The following SPATA13 variants were observed in gnomAD, a reference collection of about 807,000 sequenced individuals.
The protein encoded by SPATA13 is spermatogenesis associated 13, also known as spermatogenesis-associated protein 13.
Under a neutral mutation model 104.0 loss-of-function variants are expected in SPATA13, and 50 were observed. That is an observed-to-expected ratio of 0.48 (90% CI 0.38 to 0.61). SPATA13 has a LOEUF of 0.61. Ranked by LOEUF, SPATA13 falls within the 20% of genes least tolerant of loss-of-function variation. The pLI is 0.00. For synonymous variants in SPATA13, 606 were observed against 667.5 expected (o/e 0.91, Z 1.42); for missense variants, 1,524 against 1,690.6 (o/e 0.90, Z 1.73).
chr13:24,244,189 C>T (rs1313470690), intron 2 of SPATA13, among the ~76,000 whole-genome samples: 1 of 152,208 alleles, frequency 6.6e-6, no homozygotes, highest in Non-Finnish European at 1.5e-5. Flanking sequence ...TTGTCTGTGT[C>T]CAAATTTCCC....
intron 1 of SPATA13, among the ~76,000 whole-genome samples, chr13:24,204,169 A>T (rs1232497795): frequency 6.6e-6 from 1 of 152,118 alleles, no homozygotes; most frequent in Non-Finnish European, 1.5e-5. Context: ...GGCTAACCCG[A>T]ATGCCTGTTA....
rs1258181009 is a variant in SPATA13, at chr13:24,011,930, A to G, written c.-146-5737A>G. ...CTTTAAACTTGCAGCGGAGGCTTCA[A>G]TGTGCACCTCCGCCTCCCCCTACGG... On this transcript the variant is annotated intron_variant, in intron 2 of 14. Transcript: ENST00000424834. This position sits in a 1 kb window ranked among gnomAD's most constrained non-coding sequence, Gnocchi z 4.3. Among the ~76,000 whole-genome samples, 1 of 152,200 alleles carries G rather than the reference A, an allele frequency of 6.6e-6. No individual in the cohort carries two copies. The highest frequency in any genetic ancestry group is 6.5e-5 in the Admixed American group (1 of 15,286).
At chr13:24,278,593 A>G (rs1193212252) in intron 4 of SPATA13, 24 of 1,426,564 alleles carry the variant, frequency 1.7e-5, no homozygotes, top group African/African-American at 2.9e-5. Flanking sequence ...TTGCAATTCT[A>G]TACTGTTTTT....
Position 24,033,611 on chromosome 13 carries a change from T to TG in SPATA13, c.-112+15911dup, listed in dbSNP as rs74546053. On this transcript the variant is annotated intron_variant, in intron 3 of 14. Coordinates refer to the SPATA13 transcript ENST00000424834. ...GGGGCTCACGAAGGTTGTGGATCCT[T>TG]GCCCAGCCTGCAGTGGGGACCTGGT... 8.9e-3 allele frequency: 1,362 copies of TG among 152,466 alleles called. 22 individuals carry two copies. Among genetic ancestry groups the TG allele is most frequent in the East Asian group, 0.076 (396 of 5,182 alleles). The allele number at this position is 152,466 out of a possible 1,614,324, so 9.4% of individuals were successfully genotyped here.
At chr13:24,060,362 G>A (rs985246882) in intron 3 of SPATA13, among the ~76,000 whole-genome samples, 1 of 152,162 alleles carries the variant, frequency 6.6e-6, no homozygotes, top group Admixed American at 6.5e-5. Context: ...AAATGGTACT[G>A]GGATAACTAG....
In SPATA13 at chr13:24,302,755, C is replaced by T; in HGVS notation, c.3816C>T (p.Leu1272=). 1 of 1,614,210 alleles carries T rather than the reference C, an allele frequency of 6.2e-7. No homozygotes were observed. The highest frequency in any genetic ancestry group is 1.1e-5 in the South Asian group (1 of 91,086). ...SSLFWHTFNR[L]TPFRK ...TCTTCTGGCACACCTTCAACAGGCTCACCCCCTTCCGGAAATGAAAACAGG... is the reference window on the plus strand; with the variant it reads ...TCTTCTGGCACACCTTCAACAGGCTTACCCCCTTCCGGAAATGAAAACAGG... Residue 1272 remains leucine, a synonymous_variant, in exon 13 of 13, where the codon CTC becomes CTT. Transcript: ENST00000382108.
chr13:24,270,992 C>CCT lies in SPATA13; in HGVS notation c.2165-13127_2165-13126dup, dbSNP rs137979505. On this transcript the variant is annotated intron_variant, in intron 4 of 12. Transcript: ENST00000382108. ...TTCCTTCCCAAGTTGCAGTTCTTCC[C>CCT]CTCTCTCTCTCTCTCTCCACTCTCT... is the stretch of plus-strand genomic sequence containing the variant. 9,202 of 846,718 alleles carry CCT rather than the reference C, an allele frequency of 0.011. 333 individuals are homozygous for CCT. The African/African-American group carries it at 0.12, about 11-fold the overall frequency. 52.5% of individuals were successfully genotyped at this position (846,718 alleles called of 1,614,324 possible).
chr13:24,232,808 C>T (rs186990479), intron 2 of SPATA13, among the ~76,000 whole-genome samples: 6 of 152,318 alleles, frequency 3.9e-5, no homozygotes, highest in South Asian at 2.1e-4. Flanking sequence ...CTCGGCCTCC[C>T]GGAGTGCTGA....
intron 3 of SPATA13, among the ~76,000 whole-genome samples, chr13:24,046,263 C>G (rs1878138467): frequency 6.6e-6 from 1 of 150,916 alleles, no homozygotes; most frequent in Non-Finnish European, 1.5e-5. Context: ...AAGTTACCCA[C>G]TATCCTGACT....
chr13:24,106,056 A>C (rs78102326), intron 3 of SPATA13, among the ~76,000 whole-genome samples: 5,505 of 152,128 alleles, frequency 0.036, 215 homozygotes, highest in African/African-American at 0.097. Context: ...GATTTCTTTT[A>C]TTTTCTTTTC....
intron 2 of SPATA13, among the ~76,000 whole-genome samples, chr13:24,242,523 T>C (rs1163134042): frequency 1.3e-5 from 2 of 152,234 alleles, no homozygotes; most frequent in Non-Finnish European, 2.9e-5. Flanking sequence ...AAGATGAAAT[T>C]AAAGTGTCTT....
chr13:24,258,543 C>A (rs1873905039), intron 4 of SPATA13, among the ~76,000 whole-genome samples: 1 of 151,918 alleles, frequency 6.6e-6, no homozygotes, highest in African/African-American at 2.4e-5. Flanking sequence ...GTCGTGCGTT[C>A]CTGTAGTACC....
intron 4 of SPATA13, chr13:24,278,743 A>C: frequency 6.3e-7 from 1 of 1,593,604 alleles, no homozygotes; most frequent in Non-Finnish European, 8.5e-7. Flanking sequence ...AAAACAAAGA[A>C]AGAAACTTGA....
At chr13:24,201,824 C>CAT (rs1870423989) in intron 1 of SPATA13, among the ~76,000 whole-genome samples, 1 of 152,148 alleles carries the variant, frequency 6.6e-6, no homozygotes, top group African/African-American at 2.4e-5. Flanking sequence ...ACAAATAGTA[C>CAT]ATATGTTAAA....
At chr13:24,103,833 C>G (rs9553177) in intron 3 of SPATA13, among the ~76,000 whole-genome samples, 28,448 of 151,928 alleles carry the variant, frequency 0.19, 2,996 homozygotes, top group East Asian at 0.3. Flanking sequence ...AATTTTCATC[C>G]CTTTCAGAGT....
chr13:24,126,555 G>C (rs770229597), intron 3 of SPATA13, among the ~76,000 whole-genome samples: 1 of 152,126 alleles, frequency 6.6e-6, no homozygotes, highest in African/African-American at 2.4e-5. Context: ...GTGAGAGAGA[G>C]AGACAGACTC....
At position 24,303,305 on chromosome 13, in the gene SPATA13, G is replaced by T. The variant is rs878931122; in HGVS notation, c.*532G>T. On this transcript the variant is annotated 3_prime_UTR_variant, in exon 13 of 13. Coordinates refer to ENST00000382108, the MANE Select transcript of SPATA13 (RefSeq NM_001166271.3). Reference sequence around the variant, plus strand: ...CTGGGGGACCTACAGCTGCCGTGGGGCTGACCACGGTGTTCCCTGGCATCG... The same window carrying T: ...CTGGGGGACCTACAGCTGCCGTGGGTCTGACCACGGTGTTCCCTGGCATCG... 2.8e-6 allele frequency: 1 copy of T among 359,000 alleles called. No individual in the cohort carries two copies. The highest frequency in any genetic ancestry group is 5.6e-6 in the Non-Finnish European group (1 of 179,864). 22.2% of individuals were successfully genotyped at this position (359,000 alleles called of 1,614,324 possible).
chr13:24,015,591 T>C lies in SPATA13; in HGVS notation c.-146-2076T>C, dbSNP rs558135735. On this transcript the variant is annotated intron_variant, in intron 2 of 14. Transcript: ENST00000424834. ...GCCAGGGGCCACCTGGCCCCTCTGC[T>C]TCACTCTCACCATTGCCCACTCATG... Among the ~76,000 whole-genome samples, 8 of 152,346 alleles carry C rather than the reference T, an allele frequency of 5.3e-5. No homozygotes were observed. In the South Asian group the frequency reaches 1.7e-3, roughly 32 times the overall value.
chr13:24,261,135 A>G (rs1242511986), intron 4 of SPATA13, among the ~76,000 whole-genome samples: 3 of 152,184 alleles, frequency 2.0e-5, no homozygotes, highest in East Asian at 1.9e-4. Context: ...AGATGATCAG[A>G]TGTGCATTCA....
Sources: allele counts gnomAD v4.1 joint callset (sites outside exome capture counted in the v4.1 genomes callset), GRCh38; gene constraint gnomAD v4.1.1; non-coding constraint Gnocchi (gnomAD v3.1); transcripts MANE v1.5; gene names NCBI Gene and HGNC (gene_info 2026-07-23, HGNC 2026-07-21).